Variants in LYPD6B observed in about 807,000 individuals in gnomAD.
LYPD6B encodes the protein ly6/PLAUR domain-containing protein 6B.
Under a neutral mutation model 22.8 loss-of-function variants are expected in LYPD6B, and 17 were observed. That is an observed-to-expected ratio of 0.75 (90% CI 0.51 to 1.12). The LOEUF (loss-of-function observed/expected upper bound fraction) is 1.12, where lower values mean the gene tolerates loss of function less well. LYPD6B is among the 50% of genes most tolerant of loss of function. LYPD6B has a pLI of 0.00. For missense variants in LYPD6B, 221 were observed against 258.3 expected (o/e 0.86, Z 0.99); for synonymous variants, 106 against 91.6 (o/e 1.16, Z -0.90).
intron 2 of LYPD6B, among the ~76,000 whole-genome samples, chr2:149,144,134 G>T (rs2105786399): frequency 6.6e-6 from 1 of 152,350 alleles, no homozygotes. Context: ...TTCTGCCTCA[G>T]AGGGGCTTAT....
chr2:149,214,880 C>A lies in LYPD6B; in HGVS notation c.*170C>A. ...TGGATAAAATGTTCCCGCATGAGGC[C>A]ACAGGACTGAGGATGGGAATTTGGC... is the stretch of plus-strand genomic sequence containing the variant. On this transcript the variant is annotated 3_prime_UTR_variant, in exon 7 of 7. Transcript: ENST00000409642. The A allele has an allele frequency of 2.9e-6, 2 of 701,424 alleles. No homozygotes were observed. Among genetic ancestry groups the A allele is most frequent in the South Asian group, 1.8e-5 (1 of 56,594 alleles). The allele number at this position is 701,424 out of a possible 1,614,324, so 43.5% of individuals were successfully genotyped here.
At chr2:149,211,978 G>A (rs530840777) in intron 5 of LYPD6B, among the ~76,000 whole-genome samples, 45 of 152,286 alleles carry the variant, frequency 3.0e-4, no homozygotes, top group African/African-American at 7.7e-4. Context: ...TAAGCAGGAG[G>A]TGGTGGGTGG....
At chr2:149,081,298 A>G (rs1685122721) in intron 1 of LYPD6B, among the ~76,000 whole-genome samples, 3 of 152,180 alleles carry the variant, frequency 2.0e-5, no homozygotes, top group Non-Finnish European at 2.9e-5. Context: ...GTTGGTTCCC[A>G]ATTGCCTTGA....
intron 3 of LYPD6B, among the ~76,000 whole-genome samples, chr2:149,165,824 A>G (rs1284742934): frequency 6.6e-6 from 1 of 152,202 alleles, no homozygotes; most frequent in African/African-American, 2.4e-5. Context: ...GACTCCTAGC[A>G]GAGTTCTCTC....
At chr2:149,114,906 A>T (rs1048006129) in intron 1 of LYPD6B, among the ~76,000 whole-genome samples, 4 of 152,178 alleles carry the variant, frequency 2.6e-5, no homozygotes, top group African/African-American at 9.7e-5. Flanking sequence ...GAAAGCTCAT[A>T]AAGCTGGAAG....
intron 1 of LYPD6B, among the ~76,000 whole-genome samples, chr2:149,048,047 C>T (rs1268051137): frequency 1.3e-5 from 2 of 152,182 alleles, no homozygotes; most frequent in Non-Finnish European, 2.9e-5. Context: ...ACCCTTTCCA[C>T]TACGGACTTT....
intron 3 of LYPD6B, chr2:149,188,857 T>C (rs1692296963): frequency 6.2e-6 from 1 of 161,110 alleles, no homozygotes; most frequent in Non-Finnish European, 1.3e-5. Flanking sequence ...CTCGAGGTCA[T>C]TGTTTTCTAT....
At chr2:149,183,202 T>C (rs180998426) in intron 3 of LYPD6B, among the ~76,000 whole-genome samples, 1 of 152,294 alleles carries the variant, frequency 6.6e-6, no homozygotes, top group Admixed American at 6.5e-5. Flanking sequence ...AAGTAAACTT[T>C]GTTGGAAGGG....
intron 3 of LYPD6B, among the ~76,000 whole-genome samples, chr2:149,180,524 G>A (rs1691639969): frequency 6.6e-6 from 1 of 152,006 alleles, no homozygotes; most frequent in African/African-American, 2.4e-5. Flanking sequence ...ACTGAAGTGA[G>A]GAAAAAAAGA....
chr2:149,158,866 G>A (rs1689871948), intron 2 of LYPD6B, among the ~76,000 whole-genome samples: 1 of 152,146 alleles, frequency 6.6e-6, no homozygotes, highest in Non-Finnish European at 1.5e-5. Flanking sequence ...ATCAGCAATA[G>A]AGAAAACTTC....
At chr2:149,084,189 C>T (rs551269778) in intron 1 of LYPD6B, among the ~76,000 whole-genome samples, 1 of 152,238 alleles carries the variant, frequency 6.6e-6, no homozygotes, top group Admixed American at 6.5e-5. Flanking sequence ...TATGCTGTTT[C>T]CCAACAACTT....
chr2:149,189,472 A>G (rs1692358759), intron 3 of LYPD6B, among the ~76,000 whole-genome samples: 1 of 151,228 alleles, frequency 6.6e-6, no homozygotes, highest in South Asian at 2.1e-4. Context: ...TTAAAAATGG[A>G]TAATGAATTA....
At chr2:149,147,047 C>CT (rs1689069638) in intron 2 of LYPD6B, among the ~76,000 whole-genome samples, 1 of 152,136 alleles carries the variant, frequency 6.6e-6, no homozygotes, top group South Asian at 2.1e-4. Flanking sequence ...CCCACACAGT[C>CT]TAAGACTCCA....
At chr2:149,090,114 T>C (rs1369137753) in intron 1 of LYPD6B, among the ~76,000 whole-genome samples, 1 of 152,230 alleles carries the variant, frequency 6.6e-6, no homozygotes, top group Non-Finnish European at 1.5e-5. Context: ...TCTCTGTGTG[T>C]CTTTCCATTA....
chr2:149,148,098 T>G (rs1347189261), intron 2 of LYPD6B, among the ~76,000 whole-genome samples: 1 of 152,212 alleles, frequency 6.6e-6, no homozygotes, highest in East Asian at 1.9e-4. Flanking sequence ...AATATCTCTA[T>G]GCAATATTCC....
intron 1 of LYPD6B, among the ~76,000 whole-genome samples, chr2:149,087,528 C>G (rs150661514): frequency 6.6e-6 from 1 of 151,986 alleles, no homozygotes; most frequent in East Asian, 1.9e-4. Flanking sequence ...ATTATGTCGC[C>G]GCACTCTAGC....
rs112254367 is a variant in LYPD6B at position 149,160,745 on chromosome 2, CT to C, written c.6-12del. On this transcript the variant is annotated intron_variant, in intron 2 of 6. Transcript: ENST00000409642. ...TCGTCAGCAGTGGCTCTTTCCTTATCTTTTTTTATCTCTGGTAGGCTGATTA... is the reference window on the plus strand; with the variant it reads ...TCGTCAGCAGTGGCTCTTTCCTTATCTTTTTTATCTCTGGTAGGCTGATTA... 8 of 1,540,996 alleles carry C rather than the reference CT, an allele frequency of 5.2e-6. No individual in the cohort carries two copies. The Admixed American group carries it at 5.9e-5, about 11-fold the overall frequency.
At position 149,214,762 on chromosome 2, in the gene LYPD6B, A is replaced by C; in HGVS notation, c.*52A>C. 6.4e-7 allele frequency: 1 copy of C among 1,574,562 alleles called. No individual in the cohort carries two copies. Among genetic ancestry groups the C allele is most frequent in the Non-Finnish European group, 8.7e-7 (1 of 1,145,164 alleles). On this transcript the variant is annotated 3_prime_UTR_variant, in exon 7 of 7. Coordinates refer to ENST00000409642, the MANE Select transcript of LYPD6B (RefSeq NM_177964.5). ...ACCAGCCTCTAAAGCACAAGCCAAA[A>C]ACTGTGTGAACGGTGAACTTTGGAG...
At chr2:149,202,906 C>G (rs1445260390) in intron 3 of LYPD6B, among the ~76,000 whole-genome samples, 2 of 152,108 alleles carry the variant, frequency 1.3e-5, no homozygotes, top group Non-Finnish European at 2.9e-5. Context: ...TCCTACAACC[C>G]TATGAAATGG....
Sources: allele counts gnomAD v4.1 joint callset (sites outside exome capture counted in the v4.1 genomes callset), GRCh38; gene constraint gnomAD v4.1.1; transcripts MANE v1.5; gene names NCBI Gene and HGNC (gene_info 2026-07-23, HGNC 2026-07-21).